The following TXLNG variants were observed in gnomAD, a reference collection of about 807,000 sequenced individuals.
TXLNG encodes taxilin gamma.
In TXLNG, 5 loss-of-function variants were observed where a neutral mutation model predicts 38.8. The ratio of observed to expected loss-of-function variants is 0.13; its 90% CI spans 0.07 to 0.27. The LOEUF is 0.27. Ranked by LOEUF, TXLNG falls within the 10% of genes least tolerant of loss-of-function variation. The pLI is 1.00. For missense variants in TXLNG, 393 were observed against 398.2 expected (o/e 0.99, Z 0.11); for synonymous variants, 182 against 158.2 (o/e 1.15, Z -1.13).
intron 3 of TXLNG, among the ~76,000 whole-genome samples, chrX:16,821,061 G>A (rs1193610798): frequency 9.2e-6 from 1 of 108,861 alleles, no homozygotes; most frequent in African/African-American, 3.4e-5. Context: ...GAGTCACCGC[G>A]CCCGTCCATT....
intron 8 of TXLNG, chrX:16,839,206 A>C (rs1438141875): frequency 8.9e-6 from 1 of 112,003 alleles, no homozygotes; most frequent in Non-Finnish European, 1.9e-5. Context: ...TCTGAAGTAA[A>C]TCAGCCTCAC....
At chrX:16,797,378 C>T (rs1248446919) in intron 1 of TXLNG, among the ~76,000 whole-genome samples, 1 of 111,962 alleles carries the variant, frequency 8.9e-6, no homozygotes, top group Admixed American at 9.5e-5. Context: ...TTTGTGATCT[C>T]ACAGTTTCGG....
Position 16,842,005 on chromosome X carries a change from T to C in TXLNG, c.*239T>C. The C allele has an allele frequency of 5.2e-6, 2 of 383,592 alleles. No individual in the cohort carries two copies. The highest frequency in any genetic ancestry group is 9.0e-6 in the Non-Finnish European group (2 of 222,375). 31.6% of individuals were successfully genotyped at this position (383,592 alleles called of 1,213,427 possible). A position where few individuals can be genotyped will look rare whatever the true frequency, so the allele number is the denominator to read the frequency against. On this transcript the variant is annotated 3_prime_UTR_variant, in exon 10 of 10. Transcript: ENST00000380122. ...CGTTCTCCCTCCACTGGAATGCATG[T>C]GTTCATTGCCTTGTCCTTTCTCTCC...
chrX:16,841,603 C>T lies in TXLNG; in HGVS notation c.1424C>T (p.Pro475Leu). ...IKAANRDLATPVMQPCTALDS... is the reference protein window; with the variant it reads ...IKAANRDLATLVMQPCTALDS... ...GCGGCGAACAGGGATTTAGCAACACCTGTGATGCAGCCCTGTACTGCCCTG... is the reference window on the plus strand; with the variant it reads ...GCGGCGAACAGGGATTTAGCAACACTTGTGATGCAGCCCTGTACTGCCCTG... The change falls in exon 10 of 10, where the codon CCT becomes CTT. Residue 475 changes from proline (P) to leucine (L), a missense_variant. Pro to Leu is a moderately conservative substitution (Grantham distance 98, BLOSUM62 -3). Transcript: ENST00000380122. The T allele has an allele frequency of 8.3e-7, 1 of 1,211,712 alleles. No individual in the cohort carries two copies. Among genetic ancestry groups the T allele is most frequent in the South Asian group, 1.8e-5 (1 of 56,984 alleles).
Position 16,840,048 on chromosome X carries a change from G to T in TXLNG, c.1248+132G>T, listed in dbSNP as rs1015090285. The T allele has an allele frequency of 8.8e-5, 41 of 465,746 alleles. No homozygotes were observed. In the Admixed American group the frequency reaches 1.6e-3, roughly 19 times the overall value. The allele number at this position is 465,746 out of a possible 1,213,427, so 38.4% of individuals were successfully genotyped here. On this transcript the variant is annotated intron_variant, in intron 9 of 9. Transcript: ENST00000380122. ...TGAGGACTCCAGCCCGCGTTGGGGC[G>T]GGGGTGGGGATGAGTTGCTGGGTAG...
chrX:16,786,753 G>C (rs1179729084), intron 1 of TXLNG, among the ~76,000 whole-genome samples, 164 bp downstream of exon 1: 2 of 107,605 alleles, frequency 1.9e-5, no homozygotes, highest in East Asian at 3.0e-4. Flanking sequence ...GTGGGGGGGG[G>C]TGGGACCGCG....
chrX:16,828,890 A>G (rs1242429874), intron 4 of TXLNG, among the ~76,000 whole-genome samples: 1 of 111,444 alleles, frequency 9.0e-6, no homozygotes, highest in Non-Finnish European at 1.9e-5. Context: ...ATGCCCCAAT[A>G]AACTCCCTTT....
intron 9 of TXLNG, among the ~76,000 whole-genome samples, chrX:16,841,179 GC>G (rs1314958823): frequency 1.8e-5 from 2 of 109,197 alleles, no homozygotes; most frequent in Non-Finnish European, 3.8e-5. Context: ...TGGCAACAGA[GC>G]AAGACTCTGT....
In TXLNG at chrX:16,796,116, A is replaced by G. The variant is rs752309283; in HGVS notation, c.102+9527A>G. ...GGCATGAGCCACTGTGCCCGGCCTCACTTTTTTTTAGTATATATTCAGAGT... is the reference window on the plus strand; with the variant it reads ...GGCATGAGCCACTGTGCCCGGCCTCGCTTTTTTTTAGTATATATTCAGAGT... On this transcript the variant is annotated intron_variant, in intron 1 of 9. Coordinates refer to ENST00000380122, the MANE Select transcript of TXLNG (RefSeq NM_018360.3). Among the ~76,000 whole-genome samples the G allele has an allele frequency of 5.4e-5, 6 of 110,727 alleles. No homozygotes were observed. In the East Asian group the frequency reaches 1.7e-3, roughly 32 times the overall value.
At chrX:16,794,531 C>G (rs1207582618) in intron 1 of TXLNG, among the ~76,000 whole-genome samples, 1 of 75,234 alleles carries the variant, frequency 1.3e-5, no homozygotes, top group Admixed American at 1.2e-4. Context: ...GAGAGACTCT[C>G]TTTAACTTCT....
intron 1 of TXLNG, among the ~76,000 whole-genome samples, chrX:16,806,916 CAAA>C (rs1182577038): frequency 2.6e-5 from 1 of 38,917 alleles, no homozygotes; most frequent in African/African-American, 1.0e-4. Flanking sequence ...GACTCTGTCT[CAAA>C]AAAAAAAAAA....
intron 2 of TXLNG, among the ~76,000 whole-genome samples, chrX:16,819,799 G>A (rs1928875868): frequency 8.9e-6 from 1 of 112,117 alleles, no homozygotes; most frequent in Non-Finnish European, 1.9e-5. Flanking sequence ...TTCTATATTC[G>A]AACTTGGTTA....
chrX:16,812,255 C>T (rs1039767571), intron 1 of TXLNG, among the ~76,000 whole-genome samples: 3 of 108,577 alleles, frequency 2.8e-5, no homozygotes, highest in Non-Finnish European at 3.8e-5. Flanking sequence ...GTGATCCGCC[C>T]GCCTCGGCCT....
At chrX:16,820,056 T>G (rs1928884889) in intron 2 of TXLNG, 108 bp from the exon 3 acceptor site, 4 of 559,711 alleles carry the variant, frequency 7.1e-6, no homozygotes, top group Non-Finnish European at 1.1e-5. Context: ...ATCATAGGTG[T>G]AAATTAGTTT....
chrX:16,812,378 A>G (rs762562419), intron 1 of TXLNG, among the ~76,000 whole-genome samples: 2 of 100,151 alleles, frequency 2.0e-5, no homozygotes, highest in African/African-American at 7.4e-5. Flanking sequence ...ATGTTTTGAA[A>G]TAAGTGAATA....
rs764884001 is a variant in TXLNG at position 16,788,731 on chromosome X, A to G, written c.102+2142A>G. On this transcript the variant is annotated intron_variant, in intron 1 of 9. Coordinates refer to ENST00000380122, the MANE Select transcript of TXLNG (RefSeq NM_018360.3). ...TACCCAGGCTGCAGTGCAGTGATGCAATCTTGGCTCACTGCATCTTCCACC... is the reference window on the plus strand; with the variant it reads ...TACCCAGGCTGCAGTGCAGTGATGCGATCTTGGCTCACTGCATCTTCCACC... 3.9e-5 allele frequency among the ~76,000 whole-genome samples: 4 copies of G among 101,715 alleles called. No individual in the cohort carries two copies. The East Asian group carries it at 1.2e-3, about 31-fold the overall frequency. The allele number at this position is 101,715 out of a possible 115,157, so 88.3% of individuals were successfully genotyped here.
intron 1 of TXLNG, among the ~76,000 whole-genome samples, chrX:16,805,336 C>T (rs185175721): frequency 1.0e-3 from 111 of 110,767 alleles, no homozygotes; most frequent in Non-Finnish European, 1.6e-3. Flanking sequence ...TTTGAAAGGC[C>T]TTCTTGGCTA....
chrX:16,792,501 C>G (rs1242562598), intron 1 of TXLNG, among the ~76,000 whole-genome samples: 1 of 111,264 alleles, frequency 9.0e-6, no homozygotes, highest in Non-Finnish European at 1.9e-5. Flanking sequence ...AAAGTATGGG[C>G]CAGGCATGGT....
At chrX:16,814,653 T>C (rs186072133) in intron 1 of TXLNG, among the ~76,000 whole-genome samples, 4 of 111,305 alleles carry the variant, frequency 3.6e-5, no homozygotes, top group African/African-American at 1.3e-4. Context: ...CCACATATTG[T>C]ATAGCTCCAT....
Sources: allele counts gnomAD v4.1 joint callset (sites outside exome capture counted in the v4.1 genomes callset), GRCh38; gene constraint gnomAD v4.1.1; transcripts MANE v1.5; gene names NCBI Gene and HGNC (gene_info 2026-07-23, HGNC 2026-07-21).